Variants in FAT3 observed in about 807,000 individuals in gnomAD.
The protein encoded by FAT3 is protocadherin Fat 3.
Under a neutral mutation model 310.2 loss-of-function variants are expected in FAT3, and 95 were observed. That is an observed-to-expected ratio of 0.31 (90% CI 0.26 to 0.36). The LOEUF (loss-of-function observed/expected upper bound fraction) is 0.36, where lower values mean the gene tolerates loss of function less well. FAT3 is among the 10% of genes least tolerant of loss of function. FAT3 has a pLI of 1.00. For synonymous variants in FAT3, 2,314 were observed against 2,192.9 expected (o/e 1.06, Z -1.54); for missense variants, 5,408 against 5,715.6 (o/e 0.95, Z 1.74).
chr11:92,485,993 T>C (rs1952371151), intron 2 of FAT3, among the ~76,000 whole-genome samples: 2 of 152,072 alleles, frequency 1.3e-5, no homozygotes, highest in African/African-American at 2.4e-5. Context: ...CTAGATTTCA[T>C]ACAGAGAGCT....
intron 6 of FAT3, among the ~76,000 whole-genome samples, chr11:92,765,738 G>T (rs936165816): frequency 6.6e-6 from 1 of 150,556 alleles, no homozygotes; most frequent in African/African-American, 2.5e-5. Flanking sequence ...TGCATTACTC[G>T]TATCCAATGA....
At chr11:92,776,371 T>C (rs1163389657) in intron 7 of FAT3, among the ~76,000 whole-genome samples, 4 of 152,224 alleles carry the variant, frequency 2.6e-5, no homozygotes, top group Non-Finnish European at 5.9e-5. Flanking sequence ...TCAATGATAC[T>C]TTTACTTTAG....
chr11:92,288,727 A>G (rs1946618501), intron 1 of FAT3, among the ~76,000 whole-genome samples: 1 of 152,090 alleles, frequency 6.6e-6, no homozygotes, highest in Non-Finnish European at 1.5e-5. Flanking sequence ...GAAGACAAGG[A>G]TTTTGTTTAA....
In FAT3 at chr11:92,251,027, A is replaced by G. The variant is rs900586201; in HGVS notation, c.-18+25853A>G. The stretch of plus-strand genomic sequence containing the variant: ...ATTTACTGTGGATCAGTCAAATTCT[A>G]TGGTACATGTGGTGTTTTCTTAGGA... On this transcript the variant is annotated intron_variant, in intron 1 of 27. Coordinates refer to ENST00000525166, the MANE Select transcript of FAT3 (RefSeq NM_001367949.2). 3.3e-5 allele frequency among the ~76,000 whole-genome samples: 5 copies of G among 152,184 alleles called. No individual in the cohort carries two copies. In the East Asian group the frequency reaches 7.7e-4, roughly 23 times the overall value.
intron 3 of FAT3, among the ~76,000 whole-genome samples, chr11:92,550,523 A>G (rs1312657103): frequency 3.3e-5 from 5 of 152,190 alleles, no homozygotes; most frequent in Admixed American, 6.6e-5. Flanking sequence ...GCATTAGACT[A>G]TGATGACCAC....
At chr11:92,419,481 G>C (rs562286933) in intron 2 of FAT3, among the ~76,000 whole-genome samples, 3 of 152,252 alleles carry the variant, frequency 2.0e-5, no homozygotes, top group East Asian at 3.9e-4. Context: ...CTAGAACAGA[G>C]AGTTAGGGGC....
chr11:92,350,841 C>G (rs1482671537), intron 1 of FAT3, among the ~76,000 whole-genome samples: 1 of 152,144 alleles, frequency 6.6e-6, no homozygotes, highest in Non-Finnish European at 1.5e-5. Flanking sequence ...CTCCTCTCAT[C>G]TTCACGTTCC....
At chr11:92,650,812 A>G (rs866759480) in intron 3 of FAT3, among the ~76,000 whole-genome samples, 54 of 152,352 alleles carry the variant, frequency 3.5e-4, no homozygotes, top group African/African-American at 1.1e-3. Flanking sequence ...AAAGGGGGTT[A>G]ATATGAAAAT....
chr11:92,810,209 C>T (rs1328363459), intron 13 of FAT3, 133 bp downstream of exon 13: 3 of 761,364 alleles, frequency 3.9e-6, no homozygotes, highest in East Asian at 5.4e-5. Context: ...CATTAAACCC[C>T]ATTTCAGCTA....
chr11:92,686,637 G>C (rs145063889), intron 3 of FAT3, among the ~76,000 whole-genome samples: 91 of 152,164 alleles, frequency 6.0e-4, no homozygotes, highest in African/African-American at 1.9e-3. Flanking sequence ...TTAAAAAAAA[G>C]CATTATCAGT....
chr11:92,871,998 G>T (rs549227321), intron 22 of FAT3, among the ~76,000 whole-genome samples: 2 of 152,162 alleles, frequency 1.3e-5, no homozygotes, highest in Non-Finnish European at 2.9e-5. Context: ...GTGGAGCTTT[G>T]TACCCCAGTC....
At chr11:92,688,710 G>T (rs533513011) in intron 3 of FAT3, among the ~76,000 whole-genome samples, 2 of 152,136 alleles carry the variant, frequency 1.3e-5, no homozygotes, top group Non-Finnish European at 2.9e-5. Flanking sequence ...TCTGGGGGGA[G>T]CCTACAAGTC....
At chr11:92,608,622 T>A (rs912355981) in intron 3 of FAT3, among the ~76,000 whole-genome samples, 2 of 151,890 alleles carry the variant, frequency 1.3e-5, no homozygotes, top group Non-Finnish European at 2.9e-5. Context: ...TGTATATTAG[T>A]ATTCCTGGGT....
chr11:92,253,382 C>A (rs915860400), intron 1 of FAT3, among the ~76,000 whole-genome samples: 2 of 152,120 alleles, frequency 1.3e-5, no homozygotes, highest in African/African-American at 4.8e-5. Context: ...TTGCTCTTAC[C>A]AATGTACTTT....
intron 2 of FAT3, among the ~76,000 whole-genome samples, chr11:92,479,831 C>T (rs183421805): frequency 1.3e-5 from 2 of 152,298 alleles, no homozygotes; most frequent in Admixed American, 1.3e-4. Flanking sequence ...TGGTATCCTT[C>T]TCCCCTGGAC....
intron 1 of FAT3, among the ~76,000 whole-genome samples, chr11:92,257,540 C>A (rs975136571): frequency 6.6e-6 from 1 of 151,968 alleles, no homozygotes; most frequent in Non-Finnish European, 1.5e-5. Context: ...AAAAAAATAT[C>A]GACAAAATGT....
intron 6 of FAT3, among the ~76,000 whole-genome samples, chr11:92,772,341 C>T (rs375617883): frequency 6.6e-6 from 1 of 151,920 alleles, no homozygotes; most frequent in Non-Finnish European, 1.5e-5. Context: ...CAGAATGTAC[C>T]GCTTAATAGC....
chr11:92,610,026 G>A (rs945863469), intron 3 of FAT3, among the ~76,000 whole-genome samples: 4 of 152,092 alleles, frequency 2.6e-5, no homozygotes, highest in Middle Eastern at 3.2e-3. Flanking sequence ...TTTTTAAGCA[G>A]ATTCCTTTTG....
At chr11:92,588,092 A>AC (rs1350383660) in intron 3 of FAT3, among the ~76,000 whole-genome samples, 2 of 151,896 alleles carry the variant, frequency 1.3e-5, no homozygotes, top group Admixed American at 6.6e-5. Context: ...CAAGAGGTTG[A>AC]CTGTATAGGT....
Sources: allele counts gnomAD v4.1 joint callset (sites outside exome capture counted in the v4.1 genomes callset), GRCh38; gene constraint gnomAD v4.1.1; transcripts MANE v1.5; gene names NCBI Gene and HGNC (gene_info 2026-07-23, HGNC 2026-07-21).